IL1RAPL1: variants seen among roughly 807,000 people sequenced by gnomAD.
IL1RAPL1 encodes the protein interleukin 1 receptor accessory protein like 1, also known as interleukin-1 receptor accessory protein-like 1.
In IL1RAPL1, 3 loss-of-function variants were observed where a neutral mutation model predicts 48.4. That is an observed-to-expected ratio of 0.06 (90% confidence interval 0.03 to 0.16). IL1RAPL1 has a LOEUF of 0.16. Ranked by LOEUF, IL1RAPL1 falls within the 10% of genes least tolerant of loss-of-function variation. IL1RAPL1 has a pLI of 1.00. For missense variants in IL1RAPL1, 349 were observed against 530.6 expected (o/e 0.66, Z 3.36); for synonymous variants, 185 against 187.7 (o/e 0.99, Z 0.12).
intron 3 of IL1RAPL1, among the ~76,000 whole-genome samples, chrX:29,296,348 T>C (rs1932449258): frequency 9.0e-6 from 1 of 111,363 alleles, no homozygotes; most frequent in Admixed American, 9.6e-5. Context: ...AAGCATCTGC[T>C]ACACTGAAGA....
At chrX:28,970,752 C>T (rs185800494) in intron 2 of IL1RAPL1, among the ~76,000 whole-genome samples, 13 of 111,445 alleles carry the variant, frequency 1.2e-4, no homozygotes, top group African/African-American at 3.9e-4. Context: ...AAGCAGAGTT[C>T]GGCCTGGTTA....
intron 1 of IL1RAPL1, among the ~76,000 whole-genome samples, chrX:28,653,633 C>A (rs1934713978): frequency 8.9e-6 from 1 of 111,759 alleles, no homozygotes; most frequent in African/African-American, 3.3e-5. Flanking sequence ...TACATAGACT[C>A]TCTGCATGAC....
At chrX:29,299,179 G>A (rs1226218123) in intron 3 of IL1RAPL1, among the ~76,000 whole-genome samples, 2 of 111,103 alleles carry the variant, frequency 1.8e-5, no homozygotes, top group East Asian at 2.8e-4. Context: ...TTTGGGACTC[G>A]GGCTGGCTCT....
chrX:28,742,693 A>G (rs745929238), intron 1 of IL1RAPL1, among the ~76,000 whole-genome samples: 44 of 112,010 alleles, frequency 3.9e-4, no homozygotes, highest in African/African-American at 1.3e-3. Flanking sequence ...GATTAATCAT[A>G]TAAGTATTCA....
chrX:29,854,096 C>A (rs1379389626), intron 6 of IL1RAPL1, among the ~76,000 whole-genome samples: 1 of 112,231 alleles, frequency 8.9e-6, no homozygotes, highest in Non-Finnish European at 1.9e-5. Context: ...GGATGACTTT[C>A]TGACTTCACA....
intron 5 of IL1RAPL1, among the ~76,000 whole-genome samples, chrX:29,494,042 G>A (rs1012279352): frequency 2.7e-5 from 3 of 109,885 alleles, no homozygotes; most frequent in African/African-American, 6.6e-5. Flanking sequence ...CTACAGGCAC[G>A]CACCATCAGG....
chrX:28,970,001 A>AAACACATATATAT (rs1925028759), intron 2 of IL1RAPL1, among the ~76,000 whole-genome samples: 73 of 68,149 alleles, frequency 1.1e-3, no homozygotes, highest in African/African-American at 2.9e-3. Flanking sequence ...ATATATGTTT[A>AAACACATATATAT]GAAACATATA....
intron 1 of IL1RAPL1, among the ~76,000 whole-genome samples, chrX:28,724,423 CT>C (rs1395322749): frequency 9.1e-6 from 1 of 110,272 alleles, no homozygotes; most frequent in Non-Finnish European, 1.9e-5. Context: ...CAACCCCTGC[CT>C]TTTTTTTGTT....
intron 2 of IL1RAPL1, among the ~76,000 whole-genome samples, chrX:28,792,745 G>T (rs754557648): frequency 4.1e-5 from 3 of 73,697 alleles, no homozygotes; most frequent in Non-Finnish European, 7.0e-5. Context: ...TCGAGATCAC[G>T]CCACTGCACT....
chrX:29,034,669 T>C (rs1306016225), intron 2 of IL1RAPL1, among the ~76,000 whole-genome samples: 1 of 111,508 alleles, frequency 9.0e-6, no homozygotes, highest in African/African-American at 3.3e-5. Flanking sequence ...AATTCATCTT[T>C]TTAGTGCTTT....
chrX:29,332,662 T>G (rs867495688), intron 3 of IL1RAPL1, among the ~76,000 whole-genome samples: 1 of 107,720 alleles, frequency 9.3e-6, no homozygotes, highest in East Asian at 2.8e-4. Flanking sequence ...TATTTTTTTT[T>G]TTTTATTGAT....
chrX:28,945,663 C>T (rs1023889046), intron 2 of IL1RAPL1, among the ~76,000 whole-genome samples: 1 of 110,224 alleles, frequency 9.1e-6, no homozygotes, highest in Non-Finnish European at 1.9e-5. Flanking sequence ...GGGCTTAAAA[C>T]CTAGTTGATG....
In IL1RAPL1 at chrX:28,916,148, A is replaced by G. The variant is rs146274146; in HGVS notation, c.82+126723A>G. Among the ~76,000 whole-genome samples, 505 of 110,380 alleles carry G rather than the reference A, an allele frequency of 4.6e-3. 4 individuals are homozygous for G. The highest frequency in any genetic ancestry group is 0.016 in the African/African-American group (476 of 30,360). On this transcript the variant is annotated intron_variant, in intron 2 of 10. Coordinates refer to ENST00000378993, the MANE Select transcript of IL1RAPL1 (RefSeq NM_014271.4). ...ACTGTTAAATTGGATTAAGTTCCTA[A>G]TTTTAGTCAGTCAAGCATATAAAAC...
rs187315401 is a variant in IL1RAPL1 at position 28,875,016 on chromosome X, T to C, written c.82+85591T>C. On this transcript the variant is annotated intron_variant, in intron 2 of 10. Coordinates refer to ENST00000378993, the MANE Select transcript of IL1RAPL1 (RefSeq NM_014271.4). Reference sequence around the variant, plus strand: ...ATTAAGGAGTCACAGGGAAAGAAGATGGTAATATTCTCATAGATTAATGAT... The same window carrying C: ...ATTAAGGAGTCACAGGGAAAGAAGACGGTAATATTCTCATAGATTAATGAT... 1.6e-4 allele frequency among the ~76,000 whole-genome samples: 18 copies of C among 112,035 alleles called. No homozygotes were observed. The East Asian group carries it at 4.8e-3, about 30-fold the overall frequency.
At chrX:28,730,531 G>A (rs1045888773) in intron 1 of IL1RAPL1, among the ~76,000 whole-genome samples, 3 of 111,318 alleles carry the variant, frequency 2.7e-5, no homozygotes, top group Admixed American at 9.6e-5. Flanking sequence ...TACATCATAA[G>A]TAAAATGAAC....
intron 3 of IL1RAPL1, among the ~76,000 whole-genome samples, chrX:29,367,107 A>T (rs1263600583): frequency 1.8e-5 from 2 of 111,628 alleles, no homozygotes; most frequent in African/African-American, 6.5e-5. Context: ...TAATTAGCAA[A>T]TATAATCAAA....
intron 2 of IL1RAPL1, among the ~76,000 whole-genome samples, chrX:28,914,324 T>C (rs1038190526): frequency 9.0e-6 from 1 of 111,031 alleles, no homozygotes; most frequent in Non-Finnish European, 1.9e-5. Context: ...AACACACATA[T>C]CAAATGTAGA....
chrX:29,160,825 G>A (rs867204514), intron 2 of IL1RAPL1, among the ~76,000 whole-genome samples: 3 of 112,237 alleles, frequency 2.7e-5, no homozygotes, highest in Non-Finnish European at 5.6e-5. Context: ...AGGCCAAGGC[G>A]GGTAGATCGC....
chrX:29,838,070 G>A (rs1305105324), intron 6 of IL1RAPL1, among the ~76,000 whole-genome samples: 3 of 111,516 alleles, frequency 2.7e-5, no homozygotes, highest in African/African-American at 9.8e-5. Flanking sequence ...GTAATTAATT[G>A]CATTTTCCAG....
Sources: gnomAD v4.1 joint callset for allele counts (sites outside exome capture counted in the v4.1 genomes callset) on GRCh38, gnomAD v4.1.1 for gene constraint, MANE v1.5 for transcripts, NCBI Gene and HGNC (gene_info 2026-07-23, HGNC 2026-07-21) for gene names.